The following NRXN3 variants were observed in gnomAD, a reference collection of about 807,000 sequenced individuals.
NRXN3 encodes the protein neurexin 3.
In NRXN3, 32 loss-of-function variants were observed where a neutral mutation model predicts 137.6. That is an observed-to-expected ratio of 0.23 (90% CI 0.18 to 0.31). NRXN3 has a LOEUF of 0.31. Among genes scored for constraint, NRXN3 ranks in the 10% least tolerant of loss-of-function variants. The pLI, the probability that NRXN3 is intolerant of heterozygous loss-of-function variation, is 1.00. For synonymous variants in NRXN3, 798 were observed against 784.5 expected, an observed-to-expected ratio of 1.02 and a Z score of -0.29; for missense variants, 1,574 against 2,062.5, an observed-to-expected ratio of 0.76 and a Z score of 4.59.
chr14:79,654,937 G>C (rs181202937), intron 16 of NRXN3, among the ~76,000 whole-genome samples: 88 of 152,256 alleles, frequency 5.8e-4, no homozygotes, highest in Middle Eastern at 3.4e-3. Context: ...ATCACTAAAA[G>C]TTTCCTCACA....
intron 1 of NRXN3, among the ~76,000 whole-genome samples, chr14:78,189,116 T>C (rs1342401847): frequency 6.6e-6 from 1 of 152,152 alleles, no homozygotes; most frequent in Non-Finnish European, 1.5e-5. Context: ...TTTCTTGCTC[T>C]CACATCCCAC....
chr14:78,213,207 G>A (rs1425101721), intron 1 of NRXN3, among the ~76,000 whole-genome samples: 2 of 152,170 alleles, frequency 1.3e-5, no homozygotes, highest in African/African-American at 4.8e-5. Context: ...GAGTCCCAGA[G>A]AGCCCCTGTG....
intron 1 of NRXN3, among the ~76,000 whole-genome samples, chr14:78,181,542 C>T (rs2059807066): frequency 6.6e-6 from 1 of 152,200 alleles, no homozygotes; most frequent in East Asian, 1.9e-4. Flanking sequence ...GTCCCTGCTG[C>T]CCACTGCAGT....
chr14:78,880,638 T>C (rs1395809420), intron 10 of NRXN3, among the ~76,000 whole-genome samples: 1 of 152,092 alleles, frequency 6.6e-6, no homozygotes, highest in African/African-American at 2.4e-5. Context: ...CAGAGGGCCA[T>C]GAAGAGTATC....
At chr14:78,379,461 A>G (rs1196210619) in intron 4 of NRXN3, among the ~76,000 whole-genome samples, 2 of 152,212 alleles carry the variant, frequency 1.3e-5, no homozygotes, top group Non-Finnish European at 2.9e-5. Context: ...CTGGCTCAGC[A>G]TTCAAAAATT....
At chr14:78,967,720 T>G (rs1006381663) in intron 13 of NRXN3, among the ~76,000 whole-genome samples, 1 of 152,132 alleles carries the variant, frequency 6.6e-6, no homozygotes, top group Non-Finnish European at 1.5e-5. Flanking sequence ...GCTGAATCAT[T>G]TAATGTCTGG....
In NRXN3 at chr14:78,895,424, A is replaced by T. The variant is rs929753022; in HGVS notation, c.2276-61818A>T. ...TCCTCACCTCTCTTAGCCTTCATAGAATTGGAAATAGTTTGGGCCTTGCTC... is the reference window on the plus strand; with the variant it reads ...TCCTCACCTCTCTTAGCCTTCATAGTATTGGAAATAGTTTGGGCCTTGCTC... On this transcript the variant is annotated intron_variant, in intron 10 of 20. Transcript: ENST00000335750. 4.6e-5 allele frequency among the ~76,000 whole-genome samples: 7 copies of T among 151,874 alleles called. 1 individual carries two copies. Among genetic ancestry groups the T allele is most frequent in the Non-Finnish European group, 1.0e-4 (7 of 67,894 alleles).
chr14:78,272,530 C>G (rs2072944970), intron 2 of NRXN3, among the ~76,000 whole-genome samples: 1 of 152,156 alleles, frequency 6.6e-6, no homozygotes, highest in African/African-American at 2.4e-5. Flanking sequence ...AGAATGGGCC[C>G]CTCTAAAACA....
intron 17 of NRXN3, among the ~76,000 whole-genome samples, chr14:79,680,785 T>A (rs1054971049): frequency 1.6e-4 from 24 of 152,148 alleles, no homozygotes; most frequent in African/African-American, 5.8e-4. Flanking sequence ...CAAGTCTTAC[T>A]AGTAAATTCA....
At chr14:79,615,072 C>A (rs2098140794) in intron 16 of NRXN3, among the ~76,000 whole-genome samples, 1 of 152,086 alleles carries the variant, frequency 6.6e-6, no homozygotes, top group East Asian at 1.9e-4. Flanking sequence ...CAACGGATCT[C>A]CAGGGCTATC....
intron 8 of NRXN3, among the ~76,000 whole-genome samples, chr14:78,778,770 T>TTA (rs2098756270): frequency 3.0e-5 from 2 of 67,296 alleles, no homozygotes; most frequent in African/African-American, 1.5e-4. Context: ...CTTTCTTTCT[T>TTA]TCTTTCTTTC....
Position 79,386,970 on chromosome 14 carries a change from TA to T in NRXN3, c.3263-80248del, listed in dbSNP as rs534175984. The stretch of plus-strand genomic sequence containing the variant: ...ATTAATTCAAGATGGATTAAAGACT[TA>T]AATGTTAGACCTAAAACCATAAAAA... On this transcript the variant is annotated intron_variant, in intron 15 of 20. Transcript: ENST00000335750. Among the ~76,000 whole-genome samples, 76 of 152,290 alleles carry T rather than the reference TA, an allele frequency of 5.0e-4. 1 individual carries two copies. Among genetic ancestry groups the T allele is most frequent in the Non-Finnish European group, 9.9e-4 (67 of 68,020 alleles).
chr14:78,302,144 A>C (rs1203278176), intron 4 of NRXN3, among the ~76,000 whole-genome samples: 2 of 152,114 alleles, frequency 1.3e-5, no homozygotes, highest in Non-Finnish European at 2.9e-5. Flanking sequence ...CTCTTCTCTC[A>C]TTGGCAATAC....
intron 10 of NRXN3, among the ~76,000 whole-genome samples, chr14:78,843,674 T>A (rs1021589711): frequency 1.3e-5 from 2 of 152,104 alleles, no homozygotes; most frequent in Non-Finnish European, 2.9e-5. Flanking sequence ...CCTTGGGTAA[T>A]TCCATTTCCC....
intron 4 of NRXN3, among the ~76,000 whole-genome samples, chr14:78,380,965 A>G (rs900178471): frequency 1.3e-5 from 2 of 152,184 alleles, no homozygotes; most frequent in Non-Finnish European, 2.9e-5. Context: ...AGGGATAGAC[A>G]CACCGATGAA....
At chr14:78,854,159 C>G (rs1397388145) in intron 10 of NRXN3, among the ~76,000 whole-genome samples, 4 of 152,182 alleles carry the variant, frequency 2.6e-5, no homozygotes, top group African/African-American at 7.2e-5. Context: ...TCCTAGTTGT[C>G]ATATATCCTT....
chr14:78,723,047 G>C (rs561071062), intron 8 of NRXN3, among the ~76,000 whole-genome samples: 132 of 152,184 alleles, frequency 8.7e-4, no homozygotes, highest in Non-Finnish European at 1.7e-3. Context: ...GGAGGGATTT[G>C]AGGGGAAGTT....
intron 4 of NRXN3, among the ~76,000 whole-genome samples, chr14:78,474,905 C>A (rs923478060): frequency 6.6e-6 from 1 of 152,180 alleles, no homozygotes; most frequent in Non-Finnish European, 1.5e-5. Flanking sequence ...AGAAGAATCA[C>A]CTGGAGAGTG....
intron 19 of NRXN3, among the ~76,000 whole-genome samples, chr14:79,798,364 T>C (rs754719137): frequency 2.0e-5 from 3 of 152,188 alleles, no homozygotes; most frequent in Non-Finnish European, 4.4e-5. Flanking sequence ...ATCTGAGATA[T>C]TCAGAGCTCC....
Sources: gnomAD v4.1 joint callset for allele counts (sites outside exome capture counted in the v4.1 genomes callset) on GRCh38, gnomAD v4.1.1 for gene constraint, MANE v1.5 for transcripts, NCBI Gene and HGNC (gene_info 2026-07-23, HGNC 2026-07-21) for gene names.